PCGF5: variants seen among roughly 807,000 people sequenced by gnomAD.
PCGF5 encodes the protein polycomb group ring finger 5, also known as polycomb group RING finger protein 5.
Under a neutral mutation model 44.3 loss-of-function variants are expected in PCGF5, and 9 were observed. The ratio of observed to expected loss-of-function variants is 0.20; its 90% CI spans 0.12 to 0.35. PCGF5 has a LOEUF of 0.35. Ranked by LOEUF, PCGF5 falls within the 10% of genes least tolerant of loss-of-function variation. The probability of loss-of-function intolerance (pLI) is 1.00; values close to 1 mark genes in which losing one functional copy is unlikely to be tolerated. For missense variants in PCGF5, 146 were observed against 305.3 expected (o/e 0.48, Z 3.89); for synonymous variants, 95 against 102.5 (o/e 0.93, Z 0.44).
At chr10:91,227,935 T>G in intron 2 of PCGF5, 1 of 976,930 alleles carries the variant, frequency 1.0e-6, no homozygotes, top group Non-Finnish European at 1.2e-6. Flanking sequence ...AAATCTTAAA[T>G]GAATAAATGC....
chr10:91,239,724 T>C (rs1482301289), intron 2 of PCGF5, among the ~76,000 whole-genome samples: 2 of 152,186 alleles, frequency 1.3e-5, no homozygotes, highest in South Asian at 2.1e-4. Context: ...AGGTGAAAGA[T>C]GAGAGAGATT....
chr10:91,191,291 ATGC>A (rs1330835193), intron 1 of PCGF5, among the ~76,000 whole-genome samples: 1 of 152,192 alleles, frequency 6.6e-6, no homozygotes, highest in Non-Finnish European at 1.5e-5. Flanking sequence ...AAGCACTGTG[ATGC>A]TGCAACAGTC....
At chr10:91,204,815 T>A (rs778649953) in intron 1 of PCGF5, among the ~76,000 whole-genome samples, 7 of 152,246 alleles carry the variant, frequency 4.6e-5, no homozygotes, top group Non-Finnish European at 8.8e-5. Context: ...ATTGTTTTGA[T>A]TCTGTGTAGG....
intron 1 of PCGF5, among the ~76,000 whole-genome samples, chr10:91,183,409 C>A (rs1035462619): frequency 4.0e-5 from 6 of 151,318 alleles, no homozygotes; most frequent in African/African-American, 1.5e-4. Flanking sequence ...GAGATTGCAA[C>A]CTCTGCTTTT....
At chr10:91,256,623 GA>G (rs1845758605) in intron 6 of PCGF5, among the ~76,000 whole-genome samples, 1 of 152,000 alleles carries the variant, frequency 6.6e-6, no homozygotes, top group Non-Finnish European at 1.5e-5. Context: ...TAAATTCAAA[GA>G]AATTCATACC....
intron 1 of PCGF5, among the ~76,000 whole-genome samples, chr10:91,191,549 G>A (rs942544218): frequency 6.6e-6 from 1 of 152,246 alleles, no homozygotes; most frequent in Non-Finnish European, 1.5e-5. Flanking sequence ...TAAGAAGGGA[G>A]TACTGCACTT....
intron 2 of PCGF5, among the ~76,000 whole-genome samples, chr10:91,235,695 G>A (rs985405998): frequency 3.3e-5 from 5 of 152,118 alleles, no homozygotes; most frequent in African/African-American, 4.8e-5. Flanking sequence ...TCTTTCTCAC[G>A]CTGTTTTCTC....
chr10:91,269,398 A>G (rs988997014), intron 8 of PCGF5, among the ~76,000 whole-genome samples: 1 of 152,214 alleles, frequency 6.6e-6, no homozygotes, highest in African/African-American at 2.4e-5. Flanking sequence ...TTGTTTTACA[A>G]CTGATTTAAA....
chr10:91,270,672 T>C (rs1001910820), intron 8 of PCGF5, among the ~76,000 whole-genome samples: 23 of 152,352 alleles, frequency 1.5e-4, no homozygotes, highest in African/African-American at 5.5e-4. Flanking sequence ...TATATTTGTT[T>C]TAATCAATGC....
intron 1 of PCGF5, among the ~76,000 whole-genome samples, chr10:91,197,321 G>A (rs762586369): frequency 2.6e-5 from 4 of 152,084 alleles, no homozygotes; most frequent in South Asian, 4.1e-4. Context: ...CCTCGGGCAC[G>A]TCCCTCTCTC....
intron 6 of PCGF5, among the ~76,000 whole-genome samples, chr10:91,260,229 A>G (rs560242196): frequency 3.3e-5 from 5 of 152,330 alleles, no homozygotes; most frequent in South Asian, 2.1e-4. Flanking sequence ...GTCACTGGCC[A>G]TCAGAGAAAT....
intron 1 of PCGF5, among the ~76,000 whole-genome samples, chr10:91,165,277 T>A (rs1843479956): frequency 6.6e-6 from 1 of 152,252 alleles, no homozygotes; most frequent in South Asian, 2.1e-4. Flanking sequence ...AGAGAAAGTA[T>A]GTTACTATGT....
At chr10:91,177,674 C>T (rs1302109504) in intron 1 of PCGF5, among the ~76,000 whole-genome samples, 2 of 152,198 alleles carry the variant, frequency 1.3e-5, no homozygotes, top group Non-Finnish European at 2.9e-5. Context: ...TAGCAATGAG[C>T]GAGGCTCCAT....
At chr10:91,205,121 T>C (rs1211839547) in intron 1 of PCGF5, among the ~76,000 whole-genome samples, 1 of 152,240 alleles carries the variant, frequency 6.6e-6, no homozygotes, top group African/African-American at 2.4e-5. Context: ...AATACAGTTA[T>C]TTTAAATGCA....
chr10:91,226,287 T>C (rs1303925006), intron 2 of PCGF5, among the ~76,000 whole-genome samples: 1 of 31,806 alleles, frequency 3.1e-5, no homozygotes, highest in East Asian at 6.5e-4. Context: ...AGTTAAGAAA[T>C]GTAAAAAAAA....
In PCGF5 at chr10:91,175,662, C is replaced by G. The variant is rs1367608348; in HGVS notation, c.-184+12581C>G. ...GGCAAAACCCAAAACAAATGAACAA[C>G]AATAAAAAAATCACAGAAAGCAGAA... On this transcript the variant is annotated intron_variant, in intron 1 of 9. Coordinates refer to the PCGF5 transcript ENST00000614189. Among the ~76,000 whole-genome samples, 4 of 152,060 alleles carry G rather than the reference C, an allele frequency of 2.6e-5. No homozygotes were observed. The East Asian group carries it at 7.7e-4, about 29-fold the overall frequency.
At chr10:91,272,582 T>C (rs907042497) in intron 9 of PCGF5, among the ~76,000 whole-genome samples, 6 of 151,970 alleles carry the variant, frequency 3.9e-5, no homozygotes, top group African/African-American at 1.5e-4. Flanking sequence ...AGACCAGCCT[T>C]GACAACATGG....
the PCGF5 span, among the ~76,000 whole-genome samples, chr10:91,157,325 C>G: frequency 6.6e-6 from 1 of 152,168 alleles, no homozygotes; most frequent in Non-Finnish European, 1.5e-5. Context: ...CTAGTTATTA[C>G]TATATATTTC....
chr10:91,169,471 C>G (rs963074483), intron 1 of PCGF5, among the ~76,000 whole-genome samples: 1 of 152,144 alleles, frequency 6.6e-6, no homozygotes, highest in African/African-American at 2.4e-5. Flanking sequence ...AAGTTCATCA[C>G]TTTTCTATAT....
Sources: allele counts gnomAD v4.1 joint callset (sites outside exome capture counted in the v4.1 genomes callset), GRCh38; gene constraint gnomAD v4.1.1; transcripts MANE v1.5; gene names NCBI Gene and HGNC (gene_info 2026-07-23, HGNC 2026-07-21).